The following ABHD12B variants were observed in gnomAD, a reference collection of about 807,000 sequenced individuals.
The protein encoded by ABHD12B is abhydrolase domain containing 12B, also known as protein ABHD12B.
In ABHD12B, 42 loss-of-function variants were observed where a neutral mutation model predicts 50.4. The observed-to-expected ratio is 0.83, with a 90% CI of 0.65 to 1.08. The LOEUF is 1.08. Ranked by LOEUF, ABHD12B falls within the 50% of genes least tolerant of loss-of-function variation. ABHD12B has a pLI of 0.00. For synonymous variants in ABHD12B, 167 were observed against 160.3 expected (o/e 1.04, Z -0.32); for missense variants, 479 against 447.7 (o/e 1.07, Z -0.63).
intron 4 of ABHD12B, 140 bp from the exon 5 acceptor site, chr14:50,881,456 C>A: frequency 1.3e-6 from 1 of 786,920 alleles, no homozygotes; most frequent in Non-Finnish European, 1.9e-6. Flanking sequence ...ATTTCCCCTT[C>A]TCCTAGTTAT....
intron 9 of ABHD12B, among the ~76,000 whole-genome samples, chr14:50,889,536 G>A (rs1473595337): frequency 3.9e-5 from 6 of 152,204 alleles, no homozygotes; most frequent in Non-Finnish European, 7.3e-5. Context: ...TACTCAGGAG[G>A]CTGAGGCAGG....
At chr14:50,889,509 G>A (rs1304886873) in intron 9 of ABHD12B, among the ~76,000 whole-genome samples, 1 of 152,084 alleles carries the variant, frequency 6.6e-6, no homozygotes, top group Non-Finnish European at 1.5e-5. Context: ...GTGGCGGCAC[G>A]CACCTGTAGT....
chr14:50,893,932 G>A (rs1596018167), intron 9 of ABHD12B, among the ~76,000 whole-genome samples: 1 of 152,248 alleles, frequency 6.6e-6, no homozygotes, highest in South Asian at 2.1e-4. Flanking sequence ...AAACTCCGGC[G>A]CTGGCCACAG....
At position 50,880,632 on chromosome 14, in the gene ABHD12B, G is replaced by A. The variant is rs571246952; in HGVS notation, c.455+61G>A. On this transcript the variant is annotated intron_variant, in intron 4 of 12. Coordinates refer to ENST00000337334, the MANE Select transcript of ABHD12B (RefSeq NM_001206673.2). ...GATTGAGAGCATTTCAGCCCCATGG[G>A]GGAATGAAGGACAGGGCTCTGTTTT... The A allele has an allele frequency of 8.5e-4, 1,239 of 1,462,330 alleles. 20 individuals carry two copies. The South Asian group carries it at 0.017, about 20-fold the overall frequency. The allele number at this position is 1,462,330 out of a possible 1,614,324, so 90.6% of individuals were successfully genotyped here. A position where few individuals can be genotyped will look rare whatever the true frequency, so the allele number is the denominator to read the frequency against.
Position 50,888,831 on chromosome 14 carries a change from A to T in ABHD12B, c.708A>T (p.Pro236=). ...TCTTTCTTTCATTTCAAGGATGCCC[A>T]GTTGATGCTATTGTCTTGGAAGCTC... ...AAKVLEEKGC[P]VDAIVLEAPF... Residue 236 remains proline (P), a synonymous_variant, in exon 9 of 13, where the codon CCA becomes CCT. Coordinates refer to ENST00000337334, the MANE Select transcript of ABHD12B (RefSeq NM_001206673.2). 1 of 1,613,890 alleles carries T rather than the reference A, an allele frequency of 6.2e-7. No homozygotes were observed. Among genetic ancestry groups the T allele is most frequent in the Non-Finnish European group, 8.5e-7 (1 of 1,179,890 alleles).
At chr14:50,885,998 G>A in intron 7 of ABHD12B, 103 bp downstream of exon 7, 1 of 1,509,706 alleles carries the variant, frequency 6.6e-7, no homozygotes, top group Admixed American at 1.8e-5. Context: ...CCAGAAGACA[G>A]GGACTCTTTG....
intron 5 of ABHD12B, among the ~76,000 whole-genome samples, 172 bp downstream of exon 5, chr14:50,881,798 C>T (rs1448617159): frequency 1.3e-5 from 2 of 152,118 alleles, no homozygotes; most frequent in African/African-American, 4.8e-5. Context: ...TGCTCCTACA[C>T]TGATCAAAAC....
chr14:50,899,907 G>T (rs887462393), intron 9 of ABHD12B, among the ~76,000 whole-genome samples: 5 of 149,408 alleles, frequency 3.3e-5, no homozygotes, highest in Middle Eastern at 3.4e-3. Context: ...AGGCAACAGA[G>T]TGAGACTCTG....
Position 50,885,634 on chromosome 14 carries a change from T to C in ABHD12B, c.507T>C (p.Phe169=). The change falls in exon 6 of 13, where the codon TTT becomes TTC. Residue 169 remains phenylalanine (F), a synonymous_variant. Coordinates refer to ENST00000337334, the MANE Select transcript of ABHD12B (RefSeq NM_001206673.2). ...CCTAGGTGCTGAGTGATGGTGGCTT[T>C]CATGTCTTGTCTGTTGACTACAGAG... ...KLVKVLSDGG[F]HVLSVDYRGF... 1 of 1,614,200 alleles carries C rather than the reference T, an allele frequency of 6.2e-7. No individual in the cohort carries two copies. Among genetic ancestry groups the C allele is most frequent in the African/African-American group, 1.3e-5 (1 of 75,034 alleles).
chr14:50,878,805 A>ACTT lies in ABHD12B; in HGVS notation c.296_298dup (p.Phe99dup). The ACTT allele has an allele frequency of 1.9e-6, 3 of 1,614,004 alleles. No homozygotes were observed. The highest frequency in any genetic ancestry group is 2.5e-6 in the Non-Finnish European group (3 of 1,179,888). On this transcript the variant is annotated inframe_insertion, in exon 3 of 13. Transcript: ENST00000337334. ...GAGTTAAAGATTCCTCACACAGTGA[A>ACTT]CTTCTACCTGAGAGTTGAACCTGGG...
intron 7 of ABHD12B, among the ~76,000 whole-genome samples, chr14:50,886,347 G>A (rs2050037122): frequency 6.6e-6 from 1 of 151,176 alleles, no homozygotes; most frequent in Non-Finnish European, 1.5e-5. Flanking sequence ...GCTGAGGCAG[G>A]AGAATCACTT....
Position 50,872,059 on chromosome 14 carries a change from C to A in ABHD12B, c.-116C>A. 1.4e-6 allele frequency: 1 copy of A among 736,208 alleles called. No homozygotes were observed. Among genetic ancestry groups the A allele is most frequent in the Non-Finnish European group, 1.8e-6 (1 of 550,116 alleles). The allele number at this position is 736,208 out of a possible 1,614,324, so 45.6% of individuals were successfully genotyped here. A position where few individuals can be genotyped will look rare whatever the true frequency, so the allele number is the denominator to read the frequency against. On this transcript the variant is annotated 5_prime_UTR_variant, in exon 1 of 13. Transcript: ENST00000337334. ...GCGTCTCCCCCGCCGTACCAGCCTG[C>A]CTGACCGCGCGGAGGAGGAGGGCGG...
intron 10 of ABHD12B, among the ~76,000 whole-genome samples, chr14:50,902,575 A>C (rs1039137242): frequency 6.6e-6 from 1 of 152,240 alleles, no homozygotes; most frequent in African/African-American, 2.4e-5. Context: ...CTCGTCTACC[A>C]TCCACCTTAC....
chr14:50,900,348 C>A (rs1024314727), intron 9 of ABHD12B, among the ~76,000 whole-genome samples: 1 of 152,188 alleles, frequency 6.6e-6, no homozygotes, highest in Non-Finnish European at 1.5e-5. Context: ...ACAATAGACT[C>A]ATTTTGTCTT....
chr14:50,880,611 G>A (rs768760134), intron 4 of ABHD12B, 40 bp downstream of exon 4: 1 of 1,510,950 alleles, frequency 6.6e-7, no homozygotes, highest in Non-Finnish European at 8.9e-7. Flanking sequence ...TCAGGAGATT[G>A]AGAGCATTTC....
At chr14:50,878,427 C>T (rs955176634) in intron 2 of ABHD12B, among the ~76,000 whole-genome samples, 15 of 152,112 alleles carry the variant, frequency 9.9e-5, no homozygotes, top group African/African-American at 3.4e-4. Flanking sequence ...TTCTTCTAGG[C>T]CTTTTTACCT....
intron 2 of ABHD12B, among the ~76,000 whole-genome samples, chr14:50,878,499 C>T (rs1479107556): frequency 7.9e-5 from 12 of 152,192 alleles, no homozygotes; most frequent in Admixed American, 7.9e-4. Flanking sequence ...GATTGAATAA[C>T]TCTGTTTCTC....
chr14:50,876,659 C>G (rs1286395216), intron 1 of ABHD12B, among the ~76,000 whole-genome samples: 1 of 152,194 alleles, frequency 6.6e-6, no homozygotes, highest in Non-Finnish European at 1.5e-5. Context: ...TGGGATCAGA[C>G]AGACCTGGGT....
chr14:50,892,454 G>A (rs927444006), intron 9 of ABHD12B: 2 of 985,406 alleles, frequency 2.0e-6, no homozygotes, highest in South Asian at 9.4e-5. Flanking sequence ...TGTTGTTTCT[G>A]CCCTCCGCTA....
Sources: gnomAD v4.1 joint callset for allele counts (sites outside exome capture counted in the v4.1 genomes callset) on GRCh38, gnomAD v4.1.1 for gene constraint, MANE v1.5 for transcripts, NCBI Gene and HGNC (gene_info 2026-07-23, HGNC 2026-07-21) for gene names.